The following PSMA5 variants were observed in gnomAD, a reference collection of about 807,000 sequenced individuals.
The protein encoded by PSMA5 is proteasome subunit alpha type-5.
In PSMA5, 3 loss-of-function variants were observed where a neutral mutation model predicts 34.5. The observed-to-expected ratio is 0.09, with a 90% CI of 0.04 to 0.22. The LOEUF (loss-of-function observed/expected upper bound fraction) is 0.22. Ranked by LOEUF, PSMA5 falls within the 10% of genes least tolerant of loss-of-function variation. The pLI, the probability that PSMA5 is intolerant of heterozygous loss-of-function variation, is 1.00. For synonymous variants in PSMA5, 88 were observed against 95.8 expected (o/e 0.92, Z 0.47); for missense variants, 120 against 286.1 (o/e 0.42, Z 4.19).
At chr1:109,420,770 G>C (rs1654408874) in intron 2 of PSMA5, among the ~76,000 whole-genome samples, 1 of 152,098 alleles carries the variant, frequency 6.6e-6, no homozygotes, top group African/African-American at 2.4e-5. Context: ...ATTTGGCAAA[G>C]TCTGGAGACA....
rs1571009890 is a variant in PSMA5 at position 109,401,855 on chromosome 1, T to A, written c.*158A>T. ...GAGAACAGTCTATTAACAAATATTT[T>A]AAAATTTTCTTTATTTCAGAACTGC... On this transcript the variant is annotated 3_prime_UTR_variant, in exon 9 of 9. Coordinates refer to ENST00000271308, the MANE Select transcript of PSMA5 (RefSeq NM_002790.4). 1 of 511,938 alleles carries A rather than the reference T, an allele frequency of 2.0e-6. No homozygotes were observed. The highest frequency in any genetic ancestry group is 3.4e-5 in the East Asian group (1 of 29,644). 31.7% of individuals were successfully genotyped at this position (511,938 alleles called of 1,614,324 possible).
chr1:109,404,875 T>G (rs1052689641), intron 8 of PSMA5, among the ~76,000 whole-genome samples: 1 of 152,286 alleles, frequency 6.6e-6, no homozygotes, highest in Non-Finnish European at 1.5e-5. Flanking sequence ...GTCAGGTAAG[T>G]GTTGTAATAG....
At chr1:109,421,717 T>C (rs1390699543) in intron 2 of PSMA5, 143 bp downstream of exon 2, 1 of 663,414 alleles carries the variant, frequency 1.5e-6, no homozygotes, top group African/African-American at 2.0e-5. Flanking sequence ...GAAACTGTTA[T>C]AAAAATGGTT....
At chr1:109,425,690 CAA>C (rs1241613596) in intron 1 of PSMA5, 15 of 152,838 alleles carry the variant, frequency 9.8e-5, no homozygotes, top group African/African-American at 3.4e-4. Context: ...TTTCATACCA[CAA>C]AAGTTTTTTA....
intron 2 of PSMA5, 51 bp from the exon 3 acceptor site, chr1:109,415,414 A>T (rs1654149168): frequency 6.4e-7 from 1 of 1,551,400 alleles, no homozygotes; most frequent in African/African-American, 1.4e-5. Flanking sequence ...TAACTGTCTT[A>T]CATACTCACC....
intron 8 of PSMA5, among the ~76,000 whole-genome samples, chr1:109,405,213 T>C (rs1653701346): frequency 6.6e-6 from 1 of 152,226 alleles, no homozygotes; most frequent in Non-Finnish European, 1.5e-5. Flanking sequence ...ATCCTGACTC[T>C]ACCATTTACC....
Position 109,399,485 on chromosome 1 carries a change from G to C in PSMA5, c.*2528C>G, listed in dbSNP as rs1312991648. ...GGGGGTTATAAAGGAATATTTCTTT[G>C]TTTGGGTGACACAAAGATGAATGGT... On this transcript the variant is annotated 3_prime_UTR_variant, in exon 9 of 9. Coordinates refer to ENST00000271308, the MANE Select transcript of PSMA5 (RefSeq NM_002790.4). The C allele has an allele frequency of 6.6e-6, 1 of 152,224 alleles. No individual in the cohort carries two copies. Among genetic ancestry groups the C allele is most frequent in the Non-Finnish European group, 1.5e-5 (1 of 68,050 alleles). 9.4% of individuals were successfully genotyped at this position (152,224 alleles called of 1,614,324 possible). A position where few individuals can be genotyped will look rare whatever the true frequency, so the allele number is the denominator to read the frequency against.
At position 109,414,562 on chromosome 1, in the gene PSMA5, T is replaced by C. The variant is rs17037732; in HGVS notation, c.223+675A>G. ...TTTGTTGAACACAGTGACACTGAGC[T>C]ACCTTCAAAAGACCAAGTGACTTGA... is the stretch of plus-strand genomic sequence containing the variant. On this transcript the variant is annotated intron_variant, in intron 3 of 8. Coordinates refer to ENST00000271308, the MANE Select transcript of PSMA5 (RefSeq NM_002790.4). Among the ~76,000 whole-genome samples, 207 of 152,342 alleles carry C rather than the reference T, an allele frequency of 1.4e-3. 4 individuals carry two copies. In the East Asian group the frequency reaches 0.03, roughly 22 times the overall value.
At chr1:109,422,750 C>T (rs1654496148) in intron 1 of PSMA5, among the ~76,000 whole-genome samples, 1 of 152,200 alleles carries the variant, frequency 6.6e-6, no homozygotes, top group South Asian at 2.1e-4. Context: ...GGATTACAGG[C>T]ATGAACCACT....
At chr1:109,415,489 G>T in intron 2 of PSMA5, 126 bp from the exon 3 acceptor site, 1 of 910,216 alleles carries the variant, frequency 1.1e-6, no homozygotes, top group South Asian at 2.9e-5. Flanking sequence ...TAGGCAGAGA[G>T]AAGGAGCACC....
At chr1:109,406,964 AAAGATGT>A (rs945988603) in intron 8 of PSMA5, among the ~76,000 whole-genome samples, 4 of 152,322 alleles carry the variant, frequency 2.6e-5, no homozygotes, top group African/African-American at 9.6e-5. Context: ...TCTTAAAAAG[AAAGATGT>A]AAGATGTAAC....
At chr1:109,426,183 G>T in intron 1 of PSMA5, 119 bp downstream of exon 1, 1 of 1,388,432 alleles carries the variant, frequency 7.2e-7, no homozygotes. Flanking sequence ...AACATCCCCA[G>T]GTCCGGCCAG....
In PSMA5 at chr1:109,399,322, A is replaced by G. The variant is rs1302668225; in HGVS notation, c.*2691T>C. 1.3e-5 allele frequency: 2 copies of G among 152,226 alleles called. No homozygotes were observed. The highest frequency in any genetic ancestry group is 3.8e-4 in the East Asian group (2 of 5,204). 9.4% of individuals were successfully genotyped at this position (152,226 alleles called of 1,614,324 possible). On this transcript the variant is annotated 3_prime_UTR_variant, in exon 9 of 9. Transcript: ENST00000271308. ...GACTGAAAAGATAAAGCTGATGAAAATTGGTGAACAATTTGTTCCTTTCCA... is the reference window on the plus strand; with the variant it reads ...GACTGAAAAGATAAAGCTGATGAAAGTTGGTGAACAATTTGTTCCTTTCCA...
intron 3 of PSMA5, among the ~76,000 whole-genome samples, chr1:109,414,114 T>A (rs2100965272): frequency 6.6e-6 from 1 of 152,362 alleles, no homozygotes; most frequent in Middle Eastern, 3.4e-3. Flanking sequence ...GCTGCTGCAG[T>A]TCATGGCCCA....
chr1:109,399,908 C>G lies in PSMA5; in HGVS notation c.*2105G>C, dbSNP rs1423276498. 1 of 152,120 alleles carries G rather than the reference C, an allele frequency of 6.6e-6. No individual in the cohort carries two copies. Among genetic ancestry groups the G allele is most frequent in the Non-Finnish European group, 1.5e-5 (1 of 68,016 alleles). 9.4% of individuals were successfully genotyped at this position (152,120 alleles called of 1,614,324 possible). ...ATTTGCAGGACTAAAGTAAATTTAT[C>G]TTATTACTAAAAACCGTACCTTTCT... On this transcript the variant is annotated 3_prime_UTR_variant, in exon 9 of 9. Transcript: ENST00000271308.
chr1:109,402,253 T>C (rs1653564926), intron 8 of PSMA5, among the ~76,000 whole-genome samples, 163 bp from the exon 9 acceptor site: 1 of 152,190 alleles, frequency 6.6e-6, no homozygotes, highest in Non-Finnish European at 1.5e-5. Context: ...CTAAAATAGC[T>C]CTCTGGCTCC....
chr1:109,414,673 T>C (rs1654122954), intron 3 of PSMA5: 1 of 152,194 alleles, frequency 6.6e-6, no homozygotes, highest in Non-Finnish European at 1.5e-5. Flanking sequence ...GCTCCCAGAG[T>C]CACCATGGCA....
intron 6 of PSMA5, 156 bp downstream of exon 6, chr1:109,411,721 G>A: frequency 4.2e-6 from 3 of 719,624 alleles, no homozygotes; most frequent in East Asian, 5.5e-5. Context: ...CAACTCCCAG[G>A]CTCAAGAGAT....
Position 109,415,252 on chromosome 1 carries a change from T to G in PSMA5, c.208A>C (p.Ile70Leu). ...EPSSIEKIVE[I>L]DAHIGCAMSG... ...CACTCCTTACCTATGTGAGCATCAA[T>G]CTCTACAATTTTCTCAATGCTGCTG... Residue 70 changes from isoleucine to leucine, a missense_variant, in exon 3 of 9, where the codon ATT becomes CTT. Physicochemically the swap from Ile to Leu is conservative, Grantham distance 5. Around this residue, in one of 3 missense-constraint regions of PSMA5, gnomAD observed 20 missense variants for 19.4 expected, o/e 1.03. Transcript: ENST00000271308. The G allele has an allele frequency of 1.2e-6, 2 of 1,613,648 alleles. No homozygotes were observed. Among genetic ancestry groups the G allele is most frequent in the Non-Finnish European group, 1.7e-6 (2 of 1,179,694 alleles).
Sources: allele counts gnomAD v4.1 joint callset (sites outside exome capture counted in the v4.1 genomes callset), GRCh38; gene constraint gnomAD v4.1.1; regional missense constraint gnomAD v4.1.1; transcripts MANE v1.5; gene names NCBI Gene and HGNC (gene_info 2026-07-23, HGNC 2026-07-21).